The following RNF4 variants were observed in gnomAD, a reference collection of about 807,000 sequenced individuals.
The protein encoded by RNF4 is ring finger protein 4.
RNF4 carries 7 observed loss-of-function variants against 24.3 expected under a neutral mutation model. That is an observed-to-expected ratio of 0.29 (90% CI 0.16 to 0.54). RNF4 has a LOEUF of 0.54. RNF4 is among the 20% of genes least tolerant of loss of function. RNF4 has a pLI of 0.95. For missense variants in RNF4, 209 were observed against 248.5 expected, an observed-to-expected ratio of 0.84 and a Z score of 1.07; for synonymous variants, 83 against 84.3, an observed-to-expected ratio of 0.98 and a Z score of 0.09.
chr4:2,475,005 C>T (rs1283510588), intron 1 of RNF4, among the ~76,000 whole-genome samples: 4 of 152,054 alleles, frequency 2.6e-5, no homozygotes, highest in African/African-American at 9.7e-5. Flanking sequence ...CCAGCCTGGG[C>T]AACAAGAGTG....
chr4:2,473,538 C>A (rs1417778081), intron 1 of RNF4, among the ~76,000 whole-genome samples: 5 of 152,076 alleles, frequency 3.3e-5, no homozygotes, highest in African/African-American at 4.8e-5. Flanking sequence ...CCTGGCCGGG[C>A]CTGGTGGCTC....
At chr4:2,490,101 C>A (rs1735536313) in intron 1 of RNF4, among the ~76,000 whole-genome samples, 1 of 151,970 alleles carries the variant, frequency 6.6e-6, no homozygotes. Flanking sequence ...GTGGCAGGAG[C>A]CAGGAAGAAG....
At chr4:2,485,996 A>G (rs1471427984) in intron 1 of RNF4, among the ~76,000 whole-genome samples, 1 of 152,170 alleles carries the variant, frequency 6.6e-6, no homozygotes, top group Non-Finnish European at 1.5e-5. Flanking sequence ...GAATTGATGT[A>G]TTTGATTCTG....
At chr4:2,486,043 A>G (rs1222383452) in intron 1 of RNF4, among the ~76,000 whole-genome samples, 1 of 152,200 alleles carries the variant, frequency 6.6e-6, no homozygotes, top group African/African-American at 2.4e-5. Context: ...GGGTCTTGGT[A>G]TCAGACTGCC....
intron 1 of RNF4, among the ~76,000 whole-genome samples, chr4:2,488,455 AAACAAC>A (rs765401958): frequency 2.0e-5 from 3 of 152,284 alleles, no homozygotes; most frequent in East Asian, 1.9e-4. Flanking sequence ...TCCGTCTCAA[AAACAAC>A]AACAACAACA....
intron 4 of RNF4, among the ~76,000 whole-genome samples, chr4:2,511,259 C>CTGTGTTCACGCTCCAGGAGACTCCACTA (rs1736265583): frequency 6.7e-6 from 1 of 149,208 alleles, no homozygotes; most frequent in East Asian, 2.0e-4. Context: ...GTGGCTGTGG[C>CTGTGTTCACGCTCCAGGAGACTCCACTA]AGCCCCCAGA....
intron 2 of RNF4, 46 bp from the exon 3 acceptor site, chr4:2,496,961 G>A (rs1446416957): frequency 2.1e-6 from 3 of 1,418,200 alleles, no homozygotes; most frequent in African/African-American, 2.8e-5. Context: ...CTGAAACCCT[G>A]ACATTCTGGT....
intron 3 of RNF4, among the ~76,000 whole-genome samples, chr4:2,498,554 G>A (rs1225674669): frequency 1.3e-5 from 2 of 152,084 alleles, no homozygotes; most frequent in African/African-American, 4.8e-5. Flanking sequence ...ATAAATTGTT[G>A]TATATCAGTA....
intron 1 of RNF4, among the ~76,000 whole-genome samples, chr4:2,483,109 C>G (rs559384774): frequency 3.3e-4 from 51 of 152,310 alleles, no homozygotes; most frequent in African/African-American, 1.0e-3. Context: ...ATTTGTTGAT[C>G]ATCTTTCCAG....
At chr4:2,493,517 G>A (rs1484839386) in intron 2 of RNF4, among the ~76,000 whole-genome samples, 2 of 151,946 alleles carry the variant, frequency 1.3e-5, no homozygotes, top group African/African-American at 4.8e-5. Context: ...GCTGGGCATG[G>A]TGGATCACAA....
chr4:2,512,010 T>G lies in RNF4; in HGVS notation c.214+45T>G. ...TTTTCACTGGGTTTGGAGAGGAAAC[T>G]GGCATAGGTGAGAGCCGCGGTGCTG... On this transcript the variant is annotated intron_variant, in intron 5 of 7. Coordinates refer to ENST00000314289, the MANE Select transcript of RNF4 (RefSeq NM_002938.5). The surrounding 1 kb of genome is among the most constrained non-coding windows in gnomAD (Gnocchi z 4.1). 1 of 1,583,862 alleles carries G rather than the reference T, an allele frequency of 6.3e-7. No homozygotes were observed. Among genetic ancestry groups the G allele is most frequent in the Non-Finnish European group, 8.6e-7 (1 of 1,161,148 alleles).
Position 2,512,248 on chromosome 4 carries a change from C to T in RNF4, c.215-190C>T, listed in dbSNP as rs530680661. On this transcript the variant is annotated intron_variant, in intron 5 of 7. Coordinates refer to ENST00000314289, the MANE Select transcript of RNF4 (RefSeq NM_002938.5). This position sits in a 1 kb window ranked among gnomAD's most constrained non-coding sequence, Gnocchi z 4.1. The stretch of plus-strand genomic sequence containing the variant: ...TCACAGCAGGGGTTGGGGGGTTTCT[C>T]CTGGGAAGATAAGATAGTGGCCTCC... 1.4e-4 allele frequency: 102 copies of T among 729,614 alleles called. 1 individual carries two copies. The African/African-American group carries it at 1.5e-3, about 11-fold the overall frequency. 45.2% of individuals were successfully genotyped at this position (729,614 alleles called of 1,614,324 possible). A position where few individuals can be genotyped will look rare whatever the true frequency, so the allele number is the denominator to read the frequency against.
intron 1 of RNF4, chr4:2,481,148 A>T (rs1218790663): frequency 6.6e-6 from 1 of 152,188 alleles, no homozygotes; most frequent in Non-Finnish European, 1.5e-5. Context: ...CTTCTCAATA[A>T]CTCACAATCT....
At chr4:2,513,519 CAGTT>C in intron 7 of RNF4, 147 bp from the exon 8 acceptor site, 1 of 859,508 alleles carries the variant, frequency 1.2e-6, no homozygotes, top group Non-Finnish European at 1.8e-6. Context: ...ACAGCAGACA[CAGTT>C]AGCTCTCCAG....
intron 1 of RNF4, among the ~76,000 whole-genome samples, chr4:2,478,691 C>T (rs935258498): frequency 6.6e-6 from 1 of 152,266 alleles, no homozygotes; most frequent in African/African-American, 2.4e-5. Context: ...GGAACCTCCA[C>T]TAGATTTCAG....
chr4:2,484,080 C>A (rs1239571913), intron 1 of RNF4, among the ~76,000 whole-genome samples: 1 of 90,364 alleles, frequency 1.1e-5, no homozygotes, highest in Non-Finnish European at 2.4e-5. Flanking sequence ...CCCCCCGCCT[C>A]GGCCTCCCAA....
chr4:2,504,851 G>T (rs1736027449), intron 4 of RNF4, among the ~76,000 whole-genome samples: 1 of 149,368 alleles, frequency 6.7e-6, no homozygotes, highest in African/African-American at 2.5e-5. Flanking sequence ...TCCTGCCTCA[G>T]CCTATTGAGT....
chr4:2,506,160 C>G (rs1736093678), intron 4 of RNF4: 1 of 149,326 alleles, frequency 6.7e-6, no homozygotes, highest in African/African-American at 2.4e-5. Flanking sequence ...AAAAATTGAA[C>G]TAGAACAAAG....
chr4:2,490,519 C>T lies in RNF4; in HGVS notation c.9+17C>T. 1.2e-6 allele frequency: 2 copies of T among 1,610,002 alleles called. No individual in the cohort carries two copies. Among genetic ancestry groups the T allele is most frequent in the African/African-American group, 1.3e-5 (1 of 74,986 alleles). On this transcript the variant is annotated intron_variant, in intron 2 of 7. Coordinates refer to ENST00000314289, the MANE Select transcript of RNF4 (RefSeq NM_002938.5). ...ATGAGTACAGTAAGTTTTATCATCT[C>T]TTGAATTTTTAATTTTGTAGGGCTA...
Sources: allele counts gnomAD v4.1 joint callset (sites outside exome capture counted in the v4.1 genomes callset), GRCh38; gene constraint gnomAD v4.1.1; non-coding constraint Gnocchi (gnomAD v3.1); transcripts MANE v1.5; gene names NCBI Gene and HGNC (gene_info 2026-07-23, HGNC 2026-07-21).